Variants in SPDYE4 observed in about 807,000 individuals in gnomAD.
The protein encoded by SPDYE4 is speedy/RINGO cell cycle regulator family member E4.
In SPDYE4, 30 loss-of-function variants were observed where a neutral mutation model predicts 37.5. The observed-to-expected ratio is 0.80, with a 90% CI of 0.60 to 1.09. The LOEUF is 1.09. Ranked by LOEUF, SPDYE4 falls within the 50% of genes least tolerant of loss-of-function variation. The pLI is 0.00. For synonymous variants in SPDYE4, 131 were observed against 120.3 expected, an observed-to-expected ratio of 1.09 and a Z score of -0.58; for missense variants, 300 against 307.9, an observed-to-expected ratio of 0.97 and a Z score of 0.19.
rs747003055 is a variant in SPDYE4, at chr17:8,758,341, G to A, written c.42C>T (p.Ser14=). ...ACCGTACCGTTGTGCTAGGCTGGGG[G>A]CTCTCCTCCTCAAACGGGGGGCGCG... ...GQARPPFEEE[S]PQPSTTVRSP... is the part of the protein sequence containing the mutation. The change falls in exon 1 of 7, where the codon AGC becomes AGT. Residue 14 remains serine, a synonymous_variant. Transcript: ENST00000689094. 14 of 1,551,312 alleles carry A rather than the reference G, an allele frequency of 9.0e-6. No homozygotes were observed. The highest frequency in any genetic ancestry group is 1.1e-5 in the Non-Finnish European group (13 of 1,146,890).
chr17:8,749,902 G>A (rs762845797), downstream of SPDYE4, among the ~76,000 whole-genome samples: 30 of 152,144 alleles, frequency 2.0e-4, no homozygotes, highest in Non-Finnish European at 3.4e-4. Flanking sequence ...ATAGCTTCAC[G>A]GTTCCATGTG....
At chr17:8,752,836 G>A (rs947009163) in intron 6 of SPDYE4, among the ~76,000 whole-genome samples, 4 of 151,954 alleles carry the variant, frequency 2.6e-5, no homozygotes, top group Middle Eastern at 6.8e-3. Context: ...TCACTCTGTC[G>A]TCCCGGCTGG....
chr17:8,755,040 G>T (rs555002001), intron 4 of SPDYE4, among the ~76,000 whole-genome samples: 62 of 152,334 alleles, frequency 4.1e-4, no homozygotes, highest in Middle Eastern at 3.4e-3. Flanking sequence ...CTGTGCTTTG[G>T]AAAGCTATTC....
intron 6 of SPDYE4, among the ~76,000 whole-genome samples, chr17:8,752,624 T>G (rs900426112): frequency 3.2e-4 from 49 of 152,104 alleles, no homozygotes; most frequent in African/African-American, 1.2e-3. Context: ...CACGACAACC[T>G]CAGGAACCAG....
At chr17:8,752,966 T>G (rs2086739300) in intron 6 of SPDYE4, 128 bp downstream of exon 6, 2 of 819,236 alleles carry the variant, frequency 2.4e-6, no homozygotes, top group Non-Finnish European at 1.9e-6. Flanking sequence ...CCGGCTAATT[T>G]TTGTATTTTT....
intron 1 of SPDYE4, among the ~76,000 whole-genome samples, chr17:8,757,767 C>CA (rs1491293336): frequency 1.4e-5 from 1 of 72,958 alleles, no homozygotes; most frequent in African/African-American, 4.2e-5. Context: ...GCTCTGTCTG[C>CA]TCTCTCTCTC....
chr17:8,753,340 G>A lies in SPDYE4; in HGVS notation c.635C>T (p.Ser212Phe). The A allele has an allele frequency of 6.3e-7, 1 of 1,579,106 alleles. No individual in the cohort carries two copies. Among genetic ancestry groups the A allele is most frequent in the East Asian group, 2.3e-5 (1 of 43,844 alleles). Reference sequence around the variant, plus strand: ...ACCTACCTCCTCCATCTCCTCTGGGGAAACCCACGTCCTCCAGCGCATGGA... The same window carrying A: ...ACCTACCTCCTCCATCTCCTCTGGGAAAACCCACGTCCTCCAGCGCATGGA... ...LCSMRWRTWV[S>F]PEEMEEIQAY... Residue 212 changes from serine (S) to phenylalanine (F), a missense_variant, in exon 5 of 7, where the codon TCC becomes TTC. Ser to Phe is a radical substitution (Grantham distance 155). Transcript: ENST00000689094.
chr17:8,758,250 C>G (rs1393263584), intron 1 of SPDYE4, 24 bp downstream of exon 1: 1 of 1,503,482 alleles, frequency 6.7e-7, no homozygotes, highest in Non-Finnish European at 9.0e-7. Context: ...CATCTCCCAT[C>G]GCTTCTCCCT....
intron 3 of SPDYE4, 90 bp downstream of exon 3, chr17:8,756,288 G>A: frequency 1.6e-6 from 2 of 1,214,030 alleles, no homozygotes; most frequent in Non-Finnish European, 2.4e-6. Flanking sequence ...GGTAGAGGGA[G>A]AGAGGAGAGA....
At position 8,757,366 on chromosome 17, in the gene SPDYE4, T is replaced by G; in HGVS notation, c.236A>C (p.Asp79Ala). The G allele has an allele frequency of 6.3e-7, 1 of 1,597,808 alleles. No homozygotes were observed. Among genetic ancestry groups the G allele is most frequent in the South Asian group, 1.1e-5 (1 of 88,928 alleles). Residue 79 changes from aspartate to alanine, a missense_variant, in exon 2 of 7, where the codon GAC becomes GCC. Coordinates refer to ENST00000689094, the MANE Select transcript of SPDYE4 (RefSeq NM_001394956.1). The stretch of plus-strand genomic sequence containing the variant: ...ACACAGCGTCTCCACCACCCAGGTG[T>G]CCTCGGGCTCAGGGGCGCGCTCCAA... Reference protein sequence around the residue: ...LELERAPEPEDTWVVETLCGL... With the variant: ...LELERAPEPEATWVVETLCGL...
rs566674246 is a variant in SPDYE4, at chr17:8,753,349, G to A, written c.626C>T (p.Thr209Met). Residue 209 changes from threonine to methionine, a missense_variant, in exon 5 of 7, where the codon ACG becomes ATG. Thr to Met is a moderately conservative substitution (Grantham distance 81). Coordinates refer to ENST00000689094, the MANE Select transcript of SPDYE4 (RefSeq NM_001394956.1). ...CTCCATCTCCTCTGGGGAAACCCAC[G>A]TCCTCCAGCGCATGGAACAGAGGAG... ...YQLLCSMRWR[T>M]WVSPEEMEEI... is the part of the protein sequence containing the mutation. The A allele has an allele frequency of 5.0e-5, 68 of 1,371,858 alleles. No individual in the cohort carries two copies. Among genetic ancestry groups the A allele is most frequent in the Middle Eastern group, 2.0e-4 (1 of 4,940 alleles). 85.0% of individuals were successfully genotyped at this position (1,371,858 alleles called of 1,614,324 possible).
downstream of SPDYE4, among the ~76,000 whole-genome samples, chr17:8,750,527 G>A (rs946715224): frequency 2.0e-5 from 3 of 152,168 alleles, no homozygotes; most frequent in South Asian, 2.1e-4. Flanking sequence ...TGACTAACAC[G>A]GTGAAACCCC....
chr17:8,751,246 A>G lies in SPDYE4; in HGVS notation c.*1036T>C, dbSNP rs899422069. 1.1e-4 allele frequency among the ~76,000 whole-genome samples: 16 copies of G among 152,354 alleles called. No homozygotes were observed. The highest frequency in any genetic ancestry group is 3.1e-4 in the African/African-American group (13 of 41,588). On this transcript the variant is annotated 3_prime_UTR_variant, in exon 7 of 7. Transcript: ENST00000689094. ...TGAAAACAGAATTATATCTATGTGTATATAACAGGTGTAACACCCATCACA... is the reference window on the plus strand; with the variant it reads ...TGAAAACAGAATTATATCTATGTGTGTATAACAGGTGTAACACCCATCACA...
intron 3 of SPDYE4, 32 bp from the exon 4 acceptor site, chr17:8,755,637 A>C: frequency 6.2e-7 from 1 of 1,606,572 alleles, no homozygotes; most frequent in Non-Finnish European, 8.5e-7. Flanking sequence ...AGAGAGAGAA[A>C]GGTTGGTCAC....
At chr17:8,748,769 T>C (rs996572350), downstream of SPDYE4, among the ~76,000 whole-genome samples, 3 of 152,254 alleles carry the variant, frequency 2.0e-5, no homozygotes, top group East Asian at 3.8e-4. Context: ...GGTCTTTATG[T>C]ATTCTGGAAA....
In SPDYE4 at chr17:8,755,584, C is replaced by T; in HGVS notation, c.421G>A (p.Ala141Thr). The T allele has an allele frequency of 1.2e-6, 2 of 1,612,668 alleles. No individual in the cohort carries two copies. The highest frequency in any genetic ancestry group is 1.7e-6 in the Non-Finnish European group (2 of 1,179,356). ...AAGAGGCCGGCACGGCTAAAATACG[C>T]TATGACCATAGCCAGGAGATACTGA... ...SDKYLLAMVI[A>T]YFSRAGLFSW... Residue 141 changes from alanine to threonine, a missense_variant, in exon 4 of 7, where the codon GCG becomes ACG. Coordinates refer to ENST00000689094, the MANE Select transcript of SPDYE4 (RefSeq NM_001394956.1).
intron 2 of SPDYE4, 116 bp from the exon 3 acceptor site, chr17:8,756,552 C>G (rs1476764385): frequency 3.1e-6 from 3 of 972,878 alleles, no homozygotes; most frequent in Non-Finnish European, 4.8e-6. Flanking sequence ...GTGGCCAAGG[C>G]TTAGGTGGAT....
chr17:8,755,643 G>C, intron 3 of SPDYE4, 38 bp from the exon 4 acceptor site: 1 of 1,601,424 alleles, frequency 6.2e-7, no homozygotes, highest in African/African-American at 1.3e-5. Context: ...AGAAAGGTTG[G>C]TCACATCCTG....
intron 2 of SPDYE4, 136 bp from the exon 3 acceptor site, chr17:8,756,572 G>A (rs2086774456): frequency 7.6e-6 from 6 of 788,426 alleles, no homozygotes; most frequent in Non-Finnish European, 2.1e-6. Flanking sequence ...TGGGAGAGGA[G>A]AGAAGGACTT....
Sources: gnomAD v4.1 joint callset for allele counts (sites outside exome capture counted in the v4.1 genomes callset) on GRCh38, gnomAD v4.1.1 for gene constraint, MANE v1.5 for transcripts, NCBI Gene and HGNC (gene_info 2026-07-23, HGNC 2026-07-21) for gene names.